PLEKHA5: variants seen among roughly 807,000 people sequenced by gnomAD.
PLEKHA5 encodes the protein pleckstrin homology domain-containing family A member 5.
A neutral mutation model predicts 181.9 loss-of-function variants in PLEKHA5; 55 were observed. The observed-to-expected ratio is 0.30, with a 90% CI of 0.24 to 0.38. The LOEUF is 0.38. Ranked by LOEUF, PLEKHA5 falls within the 10% of genes least tolerant of loss-of-function variation. The pLI, the probability that PLEKHA5 is intolerant of heterozygous loss-of-function variation, is 1.00. For missense variants in PLEKHA5, 1,432 were observed against 1,549.5 expected (o/e 0.92, Z 1.27); for synonymous variants, 535 against 529.4 (o/e 1.01, Z -0.15).
rs5796799 is a variant in PLEKHA5, at chr12:19,357,254, CTT to C, written c.3139-956_3139-955del. The stretch of plus-strand genomic sequence containing the variant: ...CCAGAGCTGCCATATTCTTTATATT[CTT>C]TTTTTTTTTTTTTTTTTGAGACAGA... On this transcript the variant is annotated intron_variant, in intron 26 of 31. Coordinates refer to ENST00000429027, the MANE Select transcript of PLEKHA5 (RefSeq NM_001256470.2). Among the ~76,000 whole-genome samples the C allele has an allele frequency of 9.0e-3, 860 of 96,064 alleles. 3 individuals carry two copies. The highest frequency in any genetic ancestry group is 0.025 in the African/African-American group (717 of 29,020). The allele number at this position is 96,064 out of a possible 152,430, so 63.0% of individuals were successfully genotyped here.
At chr12:19,326,981 G>A (rs533915137) in intron 20 of PLEKHA5, among the ~76,000 whole-genome samples, 77 of 152,276 alleles carry the variant, frequency 5.1e-4, no homozygotes, top group African/African-American at 1.9e-3. Flanking sequence ...GGGCATCTAG[G>A]TTGGTTCCAT....
At chr12:19,248,996 TTA>T (rs1377818502) in intron 3 of PLEKHA5, among the ~76,000 whole-genome samples, 1 of 152,230 alleles carries the variant, frequency 6.6e-6, no homozygotes, top group African/African-American at 2.4e-5. Context: ...CAAGGATTTT[TTA>T]TGTTTTTCTC....
chr12:19,199,959 AC>A (rs991396989), intron 3 of PLEKHA5, among the ~76,000 whole-genome samples: 6 of 152,112 alleles, frequency 3.9e-5, no homozygotes, highest in Admixed American at 3.9e-4. Context: ...ATGGAGGTCG[AC>A]AGTGGAATGA....
chr12:19,213,129 T>G (rs1323220455), intron 3 of PLEKHA5, among the ~76,000 whole-genome samples: 1 of 152,148 alleles, frequency 6.6e-6, no homozygotes, highest in Non-Finnish European at 1.5e-5. Flanking sequence ...GACTGATCCC[T>G]TTGGAGCAGG....
chr12:19,284,390 G>T (rs1461010167), intron 12 of PLEKHA5, among the ~76,000 whole-genome samples: 1 of 151,892 alleles, frequency 6.6e-6, no homozygotes, highest in Non-Finnish European at 1.5e-5. Flanking sequence ...CATTTTTATT[G>T]GCTTTTTACA....
At position 19,273,092 on chromosome 12, in the gene PLEKHA5, A is replaced by G. The variant is rs1441528094; in HGVS notation, c.846-1424A>G. Among the ~76,000 whole-genome samples the G allele has an allele frequency of 2.0e-5, 3 of 151,902 alleles. No homozygotes were observed. In the East Asian group the frequency reaches 5.8e-4, roughly 30 times the overall value. On this transcript the variant is annotated intron_variant, in intron 10 of 31. Coordinates refer to ENST00000429027, the MANE Select transcript of PLEKHA5 (RefSeq NM_001256470.2). ...AGCTAATTTTTTTTTTATTTTTCGTAGAGACGGGGTCTCACCATTTTGGCC... is the reference window on the plus strand; with the variant it reads ...AGCTAATTTTTTTTTTATTTTTCGTGGAGACGGGGTCTCACCATTTTGGCC...
intron 10 of PLEKHA5, among the ~76,000 whole-genome samples, chr12:19,273,196 G>A (rs2073537186): frequency 6.6e-6 from 1 of 152,080 alleles, no homozygotes; most frequent in African/African-American, 2.4e-5. Flanking sequence ...GGCATCAGTG[G>A]CCACACCTGG....
intron 3 of PLEKHA5, among the ~76,000 whole-genome samples, chr12:19,242,020 A>G (rs1482133356): frequency 6.6e-6 from 1 of 152,148 alleles, no homozygotes; most frequent in African/African-American, 2.4e-5. Context: ...GATTCACTCA[A>G]ATTACTTACA....
rs138644942 is a variant in PLEKHA5, at chr12:19,295,819, T to C, written c.2037+4122T>C. 7.1e-3 allele frequency among the ~76,000 whole-genome samples: 1,088 copies of C among 152,292 alleles called. 16 individuals are homozygous for C. The highest frequency in any genetic ancestry group is 0.031 in the Middle Eastern group (9 of 294). Reference sequence around the variant, plus strand: ...TATTAAGGATTTTTCATAGTATCCCTGGTGGTTAGATTCCCAAGCCAGGCC... The same window carrying C: ...TATTAAGGATTTTTCATAGTATCCCCGGTGGTTAGATTCCCAAGCCAGGCC... On this transcript the variant is annotated intron_variant, in intron 15 of 31. Coordinates refer to ENST00000429027, the MANE Select transcript of PLEKHA5 (RefSeq NM_001256470.2).
At chr12:19,320,751 T>A (rs1392678336) in intron 18 of PLEKHA5, 127 bp downstream of exon 18, 3 of 518,246 alleles carry the variant, frequency 5.8e-6, no homozygotes, top group African/African-American at 3.9e-5. Context: ...TAAATTCATA[T>A]TTTATGTGTG....
chr12:19,183,247 T>A (rs2049019560), intron 3 of PLEKHA5, among the ~76,000 whole-genome samples: 1 of 152,184 alleles, frequency 6.6e-6, no homozygotes, highest in Non-Finnish European at 1.5e-5. Context: ...CTCCCTTGTA[T>A]AGATTAAAGA....
chr12:19,308,055 C>T (rs970290177), intron 15 of PLEKHA5, among the ~76,000 whole-genome samples: 9 of 151,606 alleles, frequency 5.9e-5, no homozygotes, highest in African/African-American at 1.7e-4. Flanking sequence ...AAAAGTTACA[C>T]GGGTTTATGA....
At chr12:19,159,248 C>G (rs2042434591) in intron 3 of PLEKHA5, among the ~76,000 whole-genome samples, 1 of 152,142 alleles carries the variant, frequency 6.6e-6, no homozygotes, top group Non-Finnish European at 1.5e-5. Context: ...GCTGTGCATT[C>G]CATTTTATTC....
At chr12:19,343,891 A>G (rs2094131392) in intron 22 of PLEKHA5, among the ~76,000 whole-genome samples, 1 of 152,016 alleles carries the variant, frequency 6.6e-6, no homozygotes, top group Admixed American at 6.6e-5. Context: ...TGTCTCTACT[A>G]AAAATACAAA....
Position 19,195,562 on chromosome 12 carries a change from C to G in PLEKHA5, c.228-58378C>G, listed in dbSNP as rs368312816. On this transcript the variant is annotated intron_variant, in intron 3 of 31. Coordinates refer to ENST00000429027, the MANE Select transcript of PLEKHA5 (RefSeq NM_001256470.2). Reference sequence around the variant, plus strand: ...GCACACACCTGTAGTCTCAGCTACTCTGAGGGCTGAGGTGGGAAGATTGAT... The same window carrying G: ...GCACACACCTGTAGTCTCAGCTACTGTGAGGGCTGAGGTGGGAAGATTGAT... Among the ~76,000 whole-genome samples the G allele has an allele frequency of 1.1e-4, 16 of 150,102 alleles. No homozygotes were observed. The East Asian group carries it at 3.2e-3, about 30-fold the overall frequency.
At chr12:19,306,089 C>A (rs1345775171) in intron 15 of PLEKHA5, among the ~76,000 whole-genome samples, 20 of 151,586 alleles carry the variant, frequency 1.3e-4, no homozygotes, top group Admixed American at 6.6e-5. Context: ...AAAAAAAAAA[C>A]AAGTTATTCG....
In PLEKHA5 at chr12:19,322,523, G is replaced by A. The variant is rs569520465; in HGVS notation, c.2304G>A (p.Thr768=). Residue 768 remains threonine, a synonymous_variant, in exon 20 of 32, where the codon ACG becomes ACA. Coordinates refer to ENST00000429027, the MANE Select transcript of PLEKHA5 (RefSeq NM_001256470.2). ...AATTCTTTTTATCATAATAGTACAC[G>A]CTTGAGCAAGCTTTGCTATCAGCCA... ...KLQQLHKEKY[T]LEQALLSASQ... 8 of 1,613,746 alleles carry A rather than the reference G, an allele frequency of 5.0e-6. No individual in the cohort carries two copies. Among genetic ancestry groups the A allele is most frequent in the Middle Eastern group, 1.6e-4 (1 of 6,062 alleles).
chr12:19,309,965 G>A (rs186308534), intron 15 of PLEKHA5, among the ~76,000 whole-genome samples: 49 of 152,192 alleles, frequency 3.2e-4, no homozygotes, highest in Middle Eastern at 6.8e-3. Flanking sequence ...TATTTTACAA[G>A]ACTTTGATAA....
chr12:19,344,778 ATAAG>A (rs1417787194), intron 22 of PLEKHA5, among the ~76,000 whole-genome samples: 1 of 152,232 alleles, frequency 6.6e-6, no homozygotes, highest in African/African-American at 2.4e-5. Context: ...TCTGAAAACA[ATAAG>A]TGAATGATTA....
Sources: allele counts gnomAD v4.1 joint callset (sites outside exome capture counted in the v4.1 genomes callset), GRCh38; gene constraint gnomAD v4.1.1; transcripts MANE v1.5; gene names NCBI Gene and HGNC (gene_info 2026-07-23, HGNC 2026-07-21).